The following COL1A2 variants were observed in gnomAD, a reference collection of about 807,000 sequenced individuals.
COL1A2 encodes collagen type I alpha 2 chain.
Under a neutral mutation model 174.3 loss-of-function variants are expected in COL1A2, and 49 were observed. The ratio of observed to expected loss-of-function variants is 0.28; its 90% CI spans 0.22 to 0.36. The LOEUF (loss-of-function observed/expected upper bound fraction) is 0.36. Among genes scored for constraint, COL1A2 ranks in the 10% least tolerant of loss-of-function variants. The pLI is 1.00. For synonymous variants in COL1A2, 655 were observed against 606.6 expected, an observed-to-expected ratio of 1.08 and a Z score of -1.17; for missense variants, 1,438 against 1,822.7, an observed-to-expected ratio of 0.79 and a Z score of 3.84.
At chr7:94,404,476 T>C in intron 6 of COL1A2, 80 bp from the exon 7 acceptor site, 1 of 1,443,980 alleles carries the variant, frequency 6.9e-7, no homozygotes, top group Non-Finnish European at 9.7e-7. Context: ...ATGGCACTGC[T>C]AAGTTGGTCA....
intron 28 of COL1A2, 52 bp from the exon 29 acceptor site, chr7:94,414,170 A>G: frequency 6.3e-7 from 1 of 1,594,682 alleles, no homozygotes; most frequent in Non-Finnish European, 8.6e-7. Flanking sequence ...TTATTAGCAA[A>G]TCTCCTGAAC....
intron 4 of COL1A2, 80 bp from the exon 5 acceptor site, chr7:94,400,116 A>C: frequency 7.5e-7 from 1 of 1,336,816 alleles, no homozygotes; most frequent in Non-Finnish European, 1.1e-6. Context: ...AAAGGTCTGA[A>C]CAACTGATCT....
intron 40 of COL1A2, chr7:94,424,102 A>G (rs1792225664): frequency 1.6e-5 from 8 of 498,446 alleles, no homozygotes; most frequent in Non-Finnish European, 3.6e-6. Flanking sequence ...TCAACCACAT[A>G]TTTTTAAATG....
intron 29 of COL1A2, among the ~76,000 whole-genome samples, chr7:94,414,716 C>A (rs75569955): frequency 0.012 from 1,758 of 152,254 alleles, 31 homozygotes; most frequent in African/African-American, 0.04. Context: ...CATTTTCTCT[C>A]TAATTGTGAT....
chr7:94,415,069 C>T (rs1461395555), intron 29 of COL1A2, among the ~76,000 whole-genome samples, 157 bp from the exon 30 acceptor site: 1 of 152,150 alleles, frequency 6.6e-6, no homozygotes, highest in African/African-American at 2.4e-5. Flanking sequence ...TGTATCTTTC[C>T]ATACTAAAAG....
At chr7:94,413,192 C>G in intron 26 of COL1A2, 56 bp downstream of exon 26, 1 of 1,347,564 alleles carries the variant, frequency 7.4e-7, no homozygotes, top group Non-Finnish European at 1.0e-6. Flanking sequence ...AAGAACCACA[C>G]TTTTTTTTTT....
chr7:94,406,976 C>G (rs192627799), intron 12 of COL1A2, among the ~76,000 whole-genome samples: 1 of 152,322 alleles, frequency 6.6e-6, no homozygotes, highest in Non-Finnish European at 1.5e-5. Context: ...CCAGCTGCCA[C>G]ACAAATGGAT....
At chr7:94,426,145 A>G in intron 45 of COL1A2, 94 bp downstream of exon 45, 2 of 1,233,820 alleles carry the variant, frequency 1.6e-6, no homozygotes, top group Non-Finnish European at 2.4e-6. Context: ...TATCAGCTAG[A>G]CTTAATATTT....
intron 9 of COL1A2, 63 bp from the exon 10 acceptor site, chr7:94,405,136 T>C: frequency 6.5e-7 from 1 of 1,548,214 alleles, no homozygotes; most frequent in Non-Finnish European, 8.9e-7. Context: ...AAAACCAAGA[T>C]TCCCCCATTT....
At chr7:94,404,805 C>A (rs1443567146) in intron 8 of COL1A2, 34 bp from the exon 9 acceptor site, 1 of 1,613,716 alleles carries the variant, frequency 6.2e-7, no homozygotes. Context: ...ATGAATATAA[C>A]CTTAGTGAAA....
chr7:94,420,607 G>C lies in COL1A2; in HGVS notation c.2254G>C (p.Val752Leu). The C allele has an allele frequency of 1.2e-6, 2 of 1,611,642 alleles. No individual in the cohort carries two copies. The highest frequency in any genetic ancestry group is 1.7e-6 in the Non-Finnish European group (2 of 1,178,836). Residue 752 changes from valine to leucine, a missense_variant, in exon 37 of 52, where the codon GTT becomes CTT. Transcript: ENST00000297268. ...CAAAGGGCCTAAGGGTGAAAACGGT[G>C]TTGTTGGTCCCACAGGCCCCGTTGG... ...GAKGPKGENG[V>L]VGPTGPVGAA... is the part of the protein sequence containing the mutation.
At chr7:94,409,479 GGAA>G in intron 17 of COL1A2, 59 bp downstream of exon 17, 2 of 1,609,704 alleles carry the variant, frequency 1.2e-6, no homozygotes, top group Admixed American at 1.7e-5. Context: ...TGGAGTATGG[GGAA>G]GAAGAAGAAT....
At chr7:94,395,292 T>C in intron 1 of COL1A2, 191 bp downstream of exon 1, 2 of 706,976 alleles carry the variant, frequency 2.8e-6, no homozygotes, top group Non-Finnish European at 5.2e-6. Flanking sequence ...CATAAAAGCC[T>C]TGCCAAAAGT....
chr7:94,405,137 T>TC lies in COL1A2; in HGVS notation c.433-57dup, dbSNP rs1288087896. On this transcript the variant is annotated intron_variant, in intron 9 of 51. Transcript: ENST00000297268. ...TCTCCCCTTTTGTAAAAACCAAGAT[T>TC]CCCCCATTTTGTCTGATAGTTTACC... 5.9e-5 allele frequency: 92 copies of TC among 1,549,630 alleles called. No individual in the cohort carries two copies. The Middle Eastern group carries it at 6.7e-4, about 11-fold the overall frequency.
rs1792356919 is a variant in COL1A2 at position 94,429,503 on chromosome 7, A to C, written c.3954+73A>C. 11 of 1,546,772 alleles carry C rather than the reference A, an allele frequency of 7.1e-6. No homozygotes were observed. The South Asian group carries it at 1.2e-4, about 17-fold the overall frequency. On this transcript the variant is annotated intron_variant, in intron 51 of 51. Coordinates refer to ENST00000297268, the MANE Select transcript of COL1A2 (RefSeq NM_000089.4). Reference sequence around the variant, plus strand: ...GGGGTTCTAACTTAGACTGCCCCCAAGGGGGGGTCTAAAGGGGGGTTAAAA... The same window carrying C: ...GGGGTTCTAACTTAGACTGCCCCCACGGGGGGGTCTAAAGGGGGGTTAAAA...
chr7:94,429,835 TAAC>T (rs1178590662), intron 51 of COL1A2: 4 of 252,358 alleles, frequency 1.6e-5, no homozygotes, highest in Non-Finnish European at 3.0e-5. Flanking sequence ...GGCCTACATT[TAAC>T]TTTTAATGCT....
intron 38 of COL1A2, 179 bp downstream of exon 38, chr7:94,421,241 T>C: frequency 1.5e-6 from 1 of 684,336 alleles, no homozygotes; most frequent in East Asian, 2.7e-5. Flanking sequence ...TGGAACTCAG[T>C]GTATGTTGCT....
chr7:94,408,989 G>C (rs1223942048), intron 16 of COL1A2, among the ~76,000 whole-genome samples, 166 bp downstream of exon 16: 1 of 152,086 alleles, frequency 6.6e-6, no homozygotes, highest in African/African-American at 2.4e-5. Context: ...CTCTACATTT[G>C]AAATAGATCA....
chr7:94,404,964 C>T lies in COL1A2; in HGVS notation c.432+72C>T, dbSNP rs1584316225. The T allele has an allele frequency of 5.8e-6, 9 of 1,548,850 alleles. No homozygotes were observed. In the East Asian group the frequency reaches 1.8e-4, roughly 31 times the overall value. ...TTGCCTCAACAAGATTTTCTAGATT[C>T]AAATTAAGTATTCTGCCAAAAGCTG... On this transcript the variant is annotated intron_variant, in intron 9 of 51. Transcript: ENST00000297268.
Sources: allele counts gnomAD v4.1 joint callset (sites outside exome capture counted in the v4.1 genomes callset), GRCh38; gene constraint gnomAD v4.1.1; transcripts MANE v1.5; gene names NCBI Gene and HGNC (gene_info 2026-07-23, HGNC 2026-07-21).